Variants in ZRANB3 observed in about 807,000 individuals in gnomAD.
ZRANB3 encodes the protein zinc finger RANBP2-type containing 3.
In ZRANB3, 125 loss-of-function variants were observed where a neutral mutation model predicts 133.8. The ratio of observed to expected loss-of-function variants is 0.93; its 90% CI spans 0.81 to 1.08. The LOEUF is 1.08. Ranked by LOEUF, ZRANB3 falls within the 50% of genes least tolerant of loss-of-function variation. ZRANB3 has a pLI of 0.00. For missense variants in ZRANB3, 1,229 were observed against 1,275.5 expected, an observed-to-expected ratio of 0.96 and a Z score of 0.56; for synonymous variants, 387 against 432.7, an observed-to-expected ratio of 0.89 and a Z score of 1.31.
At chr2:135,504,308 C>T (rs770307045) in intron 2 of ZRANB3, 21 bp downstream of exon 2, 1 of 1,611,844 alleles carries the variant, frequency 6.2e-7, no homozygotes, top group East Asian at 2.2e-5. Context: ...ACATTTTTAG[C>T]ATGTCTTCAA....
chr2:135,442,813 T>C (rs1414210644), intron 2 of ZRANB3, among the ~76,000 whole-genome samples: 1 of 152,090 alleles, frequency 6.6e-6, no homozygotes, highest in Non-Finnish European at 1.5e-5. Context: ...CCATCAATAA[T>C]AGACTGGATA....
intron 12 of ZRANB3, among the ~76,000 whole-genome samples, chr2:135,251,299 A>G (rs1679383352): frequency 6.6e-6 from 1 of 152,204 alleles, no homozygotes; most frequent in Non-Finnish European, 1.5e-5. Flanking sequence ...ATAGGCTCAT[A>G]GGCAGAAGGG....
chr2:135,486,282 A>G (rs923703424), intron 2 of ZRANB3, among the ~76,000 whole-genome samples: 1 of 152,192 alleles, frequency 6.6e-6, no homozygotes, highest in Non-Finnish European at 1.5e-5. Flanking sequence ...GTATCAACTC[A>G]GTATACGTTT....
intron 2 of ZRANB3, among the ~76,000 whole-genome samples, chr2:135,501,957 G>A (rs1336527955): frequency 6.6e-6 from 1 of 152,008 alleles, no homozygotes; most frequent in East Asian, 1.9e-4. Flanking sequence ...AGACTCAAGG[G>A]TATTATCAAT....
intron 8 of ZRANB3, among the ~76,000 whole-genome samples, chr2:135,299,820 T>C (rs548874067): frequency 6.6e-6 from 1 of 152,306 alleles, no homozygotes; most frequent in South Asian, 2.1e-4. Context: ...TTGTACATAT[T>C]AAAATTTATT....
intron 6 of ZRANB3, among the ~76,000 whole-genome samples, chr2:135,338,651 C>T (rs1299737180): frequency 6.6e-6 from 1 of 152,176 alleles, no homozygotes; most frequent in African/African-American, 2.4e-5. Flanking sequence ...AACACTGTAT[C>T]TTGGAAATGA....
chr2:135,209,418 A>T (rs1385077507), intron 17 of ZRANB3, among the ~76,000 whole-genome samples: 2 of 152,198 alleles, frequency 1.3e-5, no homozygotes, highest in Non-Finnish European at 2.9e-5. Flanking sequence ...GTCAGTTATA[A>T]TAGTGTATCA....
At chr2:135,215,043 G>A (rs868680518) in intron 17 of ZRANB3, among the ~76,000 whole-genome samples, 8 of 148,260 alleles carry the variant, frequency 5.4e-5, no homozygotes, top group Admixed American at 2.0e-4. Flanking sequence ...TCAGCCTCCC[G>A]AATATTTGGG....
intron 2 of ZRANB3, among the ~76,000 whole-genome samples, chr2:135,394,735 G>GA (rs1021169387): frequency 1.3e-5 from 2 of 151,316 alleles, no homozygotes; most frequent in African/African-American, 2.4e-5. Context: ...TACCACAAGG[G>GA]AAAAAAAGCC....
intron 12 of ZRANB3, among the ~76,000 whole-genome samples, chr2:135,260,320 G>T (rs2105105965): frequency 6.6e-6 from 1 of 152,104 alleles, no homozygotes; most frequent in East Asian, 1.9e-4. Flanking sequence ...AGTGACCCTG[G>T]TGATGGACTC....
chr2:135,492,667 A>T (rs1692443213), intron 2 of ZRANB3, among the ~76,000 whole-genome samples: 1 of 152,166 alleles, frequency 6.6e-6, no homozygotes, highest in Non-Finnish European at 1.5e-5. Context: ...AAAATTTACA[A>T]AGAGAAAGTC....
At chr2:135,314,462 A>G (rs1047770576) in intron 7 of ZRANB3, among the ~76,000 whole-genome samples, 11 of 152,090 alleles carry the variant, frequency 7.2e-5, no homozygotes, top group Admixed American at 2.0e-4. Context: ...ACAATGAAAA[A>G]CTCTGTTAAT....
chr2:135,336,925 G>GA (rs891641301), intron 6 of ZRANB3, among the ~76,000 whole-genome samples: 6 of 149,616 alleles, frequency 4.0e-5, no homozygotes, highest in Admixed American at 6.7e-5. Flanking sequence ...CTAGCATCAT[G>GA]AAAAAAAAAG....
At chr2:135,340,604 G>GGGA (rs1159724120) in intron 6 of ZRANB3, among the ~76,000 whole-genome samples, 1 of 152,062 alleles carries the variant, frequency 6.6e-6, no homozygotes, top group Non-Finnish European at 1.5e-5. Flanking sequence ...CCAGCAACTT[G>GGGA]GGAGGCTAAG....
intron 6 of ZRANB3, among the ~76,000 whole-genome samples, chr2:135,339,362 C>T (rs7599174): frequency 0.01 from 1,562 of 152,012 alleles, 25 homozygotes; most frequent in African/African-American, 0.036. Flanking sequence ...AGTGAGCGTG[C>T]CACTGCACTC....
At chr2:135,361,520 C>G (rs549222006) in intron 3 of ZRANB3, among the ~76,000 whole-genome samples, 1 of 152,092 alleles carries the variant, frequency 6.6e-6, no homozygotes, top group Non-Finnish European at 1.5e-5. Flanking sequence ...ACTGTGATTA[C>G]TTTTATAAAG....
chr2:135,368,493 T>A (rs143381737), intron 3 of ZRANB3, among the ~76,000 whole-genome samples: 395 of 152,052 alleles, frequency 2.6e-3, no homozygotes, highest in African/African-American at 8.9e-3. Flanking sequence ...AACTAATAAG[T>A]TAAAATAAAA....
chr2:135,379,636 G>A (rs1686595830), intron 3 of ZRANB3, among the ~76,000 whole-genome samples: 1 of 152,118 alleles, frequency 6.6e-6, no homozygotes. Flanking sequence ...CACCAGGCCT[G>A]CCTTACAACA....
chr2:135,473,635 C>T (rs554384740), intron 2 of ZRANB3, among the ~76,000 whole-genome samples: 225 of 152,040 alleles, frequency 1.5e-3, no homozygotes, highest in African/African-American at 5.1e-3. Context: ...CATTCCACAT[C>T]ATTAAGTAAG....
Sources: gnomAD v4.1 joint callset for allele counts (sites outside exome capture counted in the v4.1 genomes callset) on GRCh38, gnomAD v4.1.1 for gene constraint, MANE v1.5 for transcripts, NCBI Gene and HGNC (gene_info 2026-07-23, HGNC 2026-07-21) for gene names.